The following BRWD3 variants were observed in gnomAD, a reference collection of about 807,000 sequenced individuals.
BRWD3 encodes bromodomain and WD repeat domain containing 3, also known as bromodomain and WD repeat-containing protein 3.
A neutral mutation model predicts 149.7 loss-of-function variants in BRWD3; 10 were observed. That is an observed-to-expected ratio of 0.07 (90% CI 0.04 to 0.11). BRWD3 has a LOEUF of 0.11. Among genes scored for constraint, BRWD3 ranks in the 10% least tolerant of loss-of-function variants. BRWD3 has a pLI of 1.00. For synonymous variants in BRWD3, 504 were observed against 456.7 expected, an observed-to-expected ratio of 1.10 and a Z score of -1.32; for missense variants, 940 against 1,373.2, an observed-to-expected ratio of 0.68 and a Z score of 4.99.
At chrX:80,809,135 C>T in intron 2 of BRWD3, 93 bp from the exon 3 acceptor site, 1 of 1,144,347 alleles carries the variant, frequency 8.7e-7, no homozygotes, top group South Asian at 1.9e-5. Flanking sequence ...GACCGTTTGA[C>T]TAGTCAAGGC....
intron 20 of BRWD3, among the ~76,000 whole-genome samples, chrX:80,715,463 T>C (rs2073062854): frequency 8.9e-6 from 1 of 111,997 alleles, no homozygotes; most frequent in African/African-American, 3.2e-5. Flanking sequence ...ACAGAAATTA[T>C]GGTTAAATTT....
chrX:80,709,717 A>G, intron 20 of BRWD3, 140 bp from the exon 21 acceptor site: 1 of 518,731 alleles, frequency 1.9e-6, no homozygotes. Flanking sequence ...TCAACATAGA[A>G]CTATATTTAT....
chrX:80,777,145 C>A (rs906171374), intron 6 of BRWD3, among the ~76,000 whole-genome samples: 2 of 107,827 alleles, frequency 1.9e-5, no homozygotes, highest in African/African-American at 3.4e-5. Flanking sequence ...CTCTTAAGAC[C>A]CCCCCCCACG....
chrX:80,780,034 A>G (rs1045317414), intron 6 of BRWD3, among the ~76,000 whole-genome samples: 6 of 111,891 alleles, frequency 5.4e-5, no homozygotes, highest in African/African-American at 1.9e-4. Context: ...CACTTATATA[A>G]TTTGGAATGA....
chrX:80,723,585 G>A (rs1483580580), intron 16 of BRWD3, among the ~76,000 whole-genome samples, 163 bp downstream of exon 16: 2 of 109,574 alleles, frequency 1.8e-5, no homozygotes, highest in Non-Finnish European at 3.8e-5. Context: ...TAAGGTTCTG[G>A]CAGTGCAGAT....
At chrX:80,729,347 G>A (rs1311697799) in intron 13 of BRWD3, among the ~76,000 whole-genome samples, 7 of 110,999 alleles carry the variant, frequency 6.3e-5, no homozygotes, top group Non-Finnish European at 1.3e-4. Flanking sequence ...ATCAATGGGC[G>A]ACTATGATGA....
chrX:80,702,885 A>G (rs1410722321), intron 24 of BRWD3, among the ~76,000 whole-genome samples: 2 of 111,912 alleles, frequency 1.8e-5, no homozygotes, highest in African/African-American at 6.5e-5. Flanking sequence ...TTAGTATATC[A>G]GACAATATCC....
intron 4 of BRWD3, 122 bp downstream of exon 4, chrX:80,808,417 C>G: frequency 1.3e-5 from 7 of 527,168 alleles, no homozygotes. Context: ...GGCAGTCGTT[C>G]TTTGGCTCTG....
At chrX:80,789,741 G>C (rs1158514582) in intron 6 of BRWD3, among the ~76,000 whole-genome samples, 1 of 110,628 alleles carries the variant, frequency 9.0e-6, no homozygotes, top group African/African-American at 3.3e-5. Context: ...CATATGAAAA[G>C]CTACGAAAAG....
At chrX:80,726,160 T>C (rs978230101) in intron 14 of BRWD3, among the ~76,000 whole-genome samples, 11 of 107,792 alleles carry the variant, frequency 1.0e-4, no homozygotes, top group African/African-American at 3.7e-4. Flanking sequence ...ATATAACACG[T>C]TTACATGTTA....
In BRWD3 at chrX:80,681,456, A is replaced by T; in HGVS notation, c.4539T>A (p.Asp1513Glu). ...AEGLSLYLLD[D>E]EPDGPFSSSS... ...ATGAAGAAAATGGCCCATCTGGCTC[A>T]TCATCAAGTAGATATAGTGAAAGCC... Residue 1513 changes from aspartate (D) to glutamate (E), a missense_variant, in exon 40 of 41, where the codon GAT (aspartate) becomes GAA (glutamate). By Grantham distance (45) the Asp-to-Glu change is conservative. Around this residue, in one of 6 missense-constraint regions of BRWD3, gnomAD observed 349 missense variants for 419.6 expected, o/e 0.83. Transcript: ENST00000373275. The T allele has an allele frequency of 8.3e-7, 1 of 1,209,577 alleles. No homozygotes were observed. The highest frequency in any genetic ancestry group is 1.1e-6 in the Non-Finnish European group (1 of 893,775).
intron 6 of BRWD3, among the ~76,000 whole-genome samples, chrX:80,770,852 C>T (rs1014487822): frequency 9.0e-6 from 1 of 111,420 alleles, no homozygotes; most frequent in Admixed American, 9.5e-5. Flanking sequence ...TTTAGAAAAC[C>T]CCACTGTCTC....
chrX:80,692,393 G>A (rs1289557313), intron 28 of BRWD3, among the ~76,000 whole-genome samples: 5 of 111,878 alleles, frequency 4.5e-5, no homozygotes, highest in Non-Finnish European at 9.4e-5. Context: ...CTAAAAGTCA[G>A]TCCTCAGAGA....
intron 24 of BRWD3, among the ~76,000 whole-genome samples, chrX:80,701,283 C>CTAGT (rs2072783277): frequency 9.1e-6 from 1 of 110,361 alleles, no homozygotes; most frequent in African/African-American, 3.3e-5. Context: ...CACAGTGGCT[C>CTAGT]ACACCTGTAA....
chrX:80,690,114 G>A, intron 31 of BRWD3, 22 bp from the exon 32 acceptor site: 1 of 1,195,669 alleles, frequency 8.4e-7, no homozygotes, highest in South Asian at 1.8e-5. Flanking sequence ...AAAATACTCT[G>A]TTAGCCTTGG....
chrX:80,711,352 G>A (rs758568588), intron 20 of BRWD3, among the ~76,000 whole-genome samples: 3 of 111,754 alleles, frequency 2.7e-5, no homozygotes, highest in Non-Finnish European at 3.8e-5. Flanking sequence ...CATCAGAGGG[G>A]TTTTACTTAA....
At chrX:80,689,204 C>A (rs1490210723) in intron 33 of BRWD3, among the ~76,000 whole-genome samples, 4 of 110,993 alleles carry the variant, frequency 3.6e-5, no homozygotes, top group Non-Finnish European at 7.6e-5. Flanking sequence ...ATCATAACCT[C>A]CAGTCAAATA....
chrX:80,690,540 C>G (rs780973279), intron 31 of BRWD3, among the ~76,000 whole-genome samples: 1 of 111,445 alleles, frequency 9.0e-6, no homozygotes, highest in Non-Finnish European at 1.9e-5. Flanking sequence ...GGCAGATTAA[C>G]CAGTCATGGA....
intron 6 of BRWD3, among the ~76,000 whole-genome samples, chrX:80,760,207 C>T (rs1382452728): frequency 9.0e-6 from 1 of 111,528 alleles, no homozygotes; most frequent in East Asian, 2.8e-4. Flanking sequence ...TTCTATTACA[C>T]CTGCTATCCA....
Sources: gnomAD v4.1 joint callset for allele counts (sites outside exome capture counted in the v4.1 genomes callset) on GRCh38, gnomAD v4.1.1 for gene constraint, gnomAD v4.1.1 regional missense constraint, MANE v1.5 for transcripts, NCBI Gene and HGNC (gene_info 2026-07-23, HGNC 2026-07-21) for gene names.